The following MAMLD1 variants were observed in gnomAD, a reference collection of about 807,000 sequenced individuals.
The protein encoded by MAMLD1 is mastermind-like domain-containing protein 1.
Under a neutral mutation model 45.0 loss-of-function variants are expected in MAMLD1, and 14 were observed. The observed-to-expected ratio is 0.31, with a 90% confidence interval of 0.21 to 0.49. The LOEUF (loss-of-function observed/expected upper bound fraction) is 0.49. Among genes scored for constraint, MAMLD1 ranks in the 20% least tolerant of loss-of-function variants. The pLI is 0.99. For missense variants in MAMLD1, 543 were observed against 603.6 expected, an observed-to-expected ratio of 0.90 and a Z score of 1.05; for synonymous variants, 254 against 247.8, an observed-to-expected ratio of 1.02 and a Z score of -0.24.
chrX:150,425,817 A>G (rs1256596539), intron 1 of MAMLD1, among the ~76,000 whole-genome samples: 1 of 112,541 alleles, frequency 8.9e-6, no homozygotes, highest in Admixed American at 9.4e-5. Flanking sequence ...GCACCTGTAC[A>G]GAAGGCTCTT....
chrX:150,501,467 C>T (rs1395568226), intron 5 of MAMLD1, among the ~76,000 whole-genome samples: 4 of 112,291 alleles, frequency 3.6e-5, no homozygotes, highest in South Asian at 3.7e-4. Context: ...TGCAGATGGC[C>T]GGTGAGCTCA....
intron 1 of MAMLD1, among the ~76,000 whole-genome samples, chrX:150,434,965 G>T (rs1338707815): frequency 3.6e-5 from 4 of 111,266 alleles, no homozygotes; most frequent in Admixed American, 9.6e-5. Flanking sequence ...AAATATCTTT[G>T]TTAGTTTTCT....
At position 150,503,367 on chromosome X, in the gene MAMLD1, G is replaced by A. The variant is rs1209592218; in HGVS notation, c.2134G>A (p.Glu712Lys). Residue 712 changes from glutamate to lysine, a missense_variant, in exon 6 of 8, where the codon GAG becomes AAG. By Grantham distance (56) the Glu-to-Lys change is moderately conservative (BLOSUM62 1). Transcript: ENST00000370401. The part of the protein sequence containing the change: ...QPPSCQALGS[E>K]SFLPGSSFAH... ...CCCGTCCTGCCAGGCCCTGGGGAGT[G>A]AGTCCTTCCTGCCCGGCAGCTCCTT... 8.3e-7 allele frequency: 1 copy of A among 1,210,678 alleles called. No individual in the cohort carries two copies. The highest frequency in any genetic ancestry group is 1.7e-5 in the African/African-American group (1 of 57,530).
chrX:150,485,972 T>C (rs187802421), intron 5 of MAMLD1, among the ~76,000 whole-genome samples: 16 of 111,707 alleles, frequency 1.4e-4, no homozygotes, highest in Non-Finnish European at 3.0e-4. Flanking sequence ...AACTCAGGGG[T>C]CTGAGAGGCC....
chrX:150,394,923 T>C (rs782498531), intron 1 of MAMLD1, among the ~76,000 whole-genome samples: 1 of 112,008 alleles, frequency 8.9e-6, no homozygotes, highest in Admixed American at 9.5e-5. Context: ...GTGTACCTTT[T>C]GTTTCCTTTT....
intron 1 of MAMLD1, among the ~76,000 whole-genome samples, chrX:150,389,397 G>A (rs1208252235): frequency 2.7e-5 from 3 of 111,609 alleles, no homozygotes; most frequent in Non-Finnish European, 5.6e-5. Context: ...TTGACTGATG[G>A]TTTATTACGA....
intron 5 of MAMLD1, among the ~76,000 whole-genome samples, chrX:150,476,839 G>A (rs1255991041): frequency 3.5e-5 from 4 of 113,264 alleles, no homozygotes; most frequent in Non-Finnish European, 7.5e-5. Context: ...TGAGCACCAG[G>A]CAATTGCAGA....
At position 150,513,014 on chromosome X, in the gene MAMLD1, G is replaced by A. The variant is rs1282648815; in HGVS notation, c.*1055G>A. ...CGACATTTTGGAACAGCATGCTGCT[G>A]CTCAAAATGCCACAGCCCAGAATTC... On this transcript the variant is annotated 3_prime_UTR_variant, in exon 8 of 8. Coordinates refer to ENST00000370401, the MANE Select transcript of MAMLD1 (RefSeq NM_005491.5). 1.0e-5 allele frequency: 12 copies of A among 1,153,504 alleles called. No individual in the cohort carries two copies. The highest frequency in any genetic ancestry group is 2.6e-5 in the Admixed American group (1 of 38,818).
In MAMLD1 at chrX:150,398,252, GAGA is replaced by G. The variant is rs1221742768; in HGVS notation, c.-64+34810_-64+34812del. On this transcript the variant is annotated intron_variant, in intron 1 of 7. Coordinates refer to ENST00000370401, the MANE Select transcript of MAMLD1 (RefSeq NM_005491.5). ...GGAGAAGAAGGAGAAGGAGGAGAAGGAGAAGAAGAAGAAGAAGAAGAAGAAGAA... is the reference window on the plus strand; with the variant it reads ...GGAGAAGAAGGAGAAGGAGGAGAAGGAGAAGAAGAAGAAGAAGAAGAAGAA... Among the ~76,000 whole-genome samples the G allele has an allele frequency of 8.3e-3, 338 of 40,704 alleles. 2 individuals are homozygous for G. The highest frequency in any genetic ancestry group is 0.011 in the East Asian group (12 of 1,080). 35.3% of individuals were successfully genotyped at this position (40,704 alleles called of 115,157 possible). A position where few individuals can be genotyped will look rare whatever the true frequency, so the allele number is the denominator to read the frequency against.
intron 5 of MAMLD1, among the ~76,000 whole-genome samples, chrX:150,492,245 G>A (rs1287873215): frequency 1.8e-5 from 2 of 112,763 alleles, no homozygotes; most frequent in African/African-American, 3.2e-5. Context: ...AGGCACCAAG[G>A]CTGCAGGCCA....
At chrX:150,502,461 T>C (rs1468469988) in intron 5 of MAMLD1, among the ~76,000 whole-genome samples, 1 of 112,638 alleles carries the variant, frequency 8.9e-6, no homozygotes, top group African/African-American at 3.2e-5. Flanking sequence ...ACCAGGGCTC[T>C]TAGCAGCCAC....
chrX:150,465,433 G>A (rs782019632), intron 3 of MAMLD1, among the ~76,000 whole-genome samples: 19 of 111,973 alleles, frequency 1.7e-4, no homozygotes, highest in Non-Finnish European at 3.0e-4. Flanking sequence ...CATTATCTAG[G>A]GGGTGGGGAG....
chrX:150,367,377 A>G (rs2031552460), intron 1 of MAMLD1, among the ~76,000 whole-genome samples: 1 of 111,178 alleles, frequency 9.0e-6, no homozygotes. Flanking sequence ...TGTTTAATGT[A>G]TTTTCTTCCC....
At chrX:150,384,698 T>G (rs1557401990) in intron 1 of MAMLD1, among the ~76,000 whole-genome samples, 1 of 112,170 alleles carries the variant, frequency 8.9e-6, no homozygotes, top group African/African-American at 3.2e-5. Flanking sequence ...TAACCCAAAG[T>G]CAAAGATATA....
At chrX:150,429,379 G>GT (rs1557403944) in intron 1 of MAMLD1, among the ~76,000 whole-genome samples, 3 of 110,695 alleles carry the variant, frequency 2.7e-5, no homozygotes, top group Non-Finnish European at 5.7e-5. Flanking sequence ...CCCAAAAGCA[G>GT]TAAGAAGAAT....
Position 150,471,152 on chromosome X carries a change from G to A in MAMLD1, c.1579G>A (p.Ala527Thr). ...TLSMIMQQGMASSSPGATEPF... is the reference protein window; with the variant it reads ...TLSMIMQQGMTSSSPGATEPF... ...GAGCATGATCATGCAGCAGGGGATG[G>A]CAAGCTCCAGCCCAGGAGCCACGGA... is the stretch of plus-strand genomic sequence containing the variant. Residue 527 changes from alanine (A) to threonine (T), a missense_variant, in exon 4 of 8, where the codon GCA becomes ACA. Coordinates refer to ENST00000370401, the MANE Select transcript of MAMLD1 (RefSeq NM_005491.5). The A allele has an allele frequency of 1.7e-6, 2 of 1,211,529 alleles. No homozygotes were observed. The highest frequency in any genetic ancestry group is 2.2e-6 in the Non-Finnish European group (2 of 895,464).
chrX:150,462,904 C>T (rs2036094491), intron 3 of MAMLD1, 58 bp downstream of exon 3: 1 of 947,027 alleles, frequency 1.1e-6, no homozygotes, highest in Admixed American at 2.3e-5. Context: ...GAAACTGAGG[C>T]CCCGAGTGTG....
rs113311895 is a variant in MAMLD1 at position 150,512,269 on chromosome X, C to T, written c.*310C>T. ...CCCTGGGCAGACTTGACTCTGTCTG[C>T]CAGCATATGCAGAGTCCCAAGGCCA... is the stretch of plus-strand genomic sequence containing the variant. On this transcript the variant is annotated 3_prime_UTR_variant, in exon 8 of 8. Transcript: ENST00000370401. 0.17 allele frequency: 194,162 copies of T among 1,113,625 alleles called. 12,449 individuals carry two copies. The highest frequency in any genetic ancestry group is 0.24 in the Admixed American group (8,462 of 35,160). The allele number at this position is 1,113,625 out of a possible 1,213,427, so 91.8% of individuals were successfully genotyped here.
chrX:150,506,112 G>A lies in MAMLD1; in HGVS notation c.2284+2595G>A, dbSNP rs186517052. Among the ~76,000 whole-genome samples, 600 of 111,636 alleles carry A rather than the reference G, an allele frequency of 5.4e-3. 1 individual carries two copies. The highest frequency in any genetic ancestry group is 7.5e-3 in the Non-Finnish European group (396 of 52,969). On this transcript the variant is annotated intron_variant, in intron 6 of 7. Transcript: ENST00000370401. ...AGTACAAAAGAAGGTTTTTTTCCTT[G>A]TGGAATACACTAGTGCTCAACCTTT... is the stretch of plus-strand genomic sequence containing the variant.
Sources: allele counts gnomAD v4.1 joint callset (sites outside exome capture counted in the v4.1 genomes callset), GRCh38; gene constraint gnomAD v4.1.1; transcripts MANE v1.5; gene names NCBI Gene and HGNC (gene_info 2026-07-23, HGNC 2026-07-21).